The following MACROD2 variants were observed in gnomAD, a reference collection of about 807,000 sequenced individuals.
MACROD2 encodes mono-ADP ribosylhydrolase 2.
MACROD2 carries 36 observed loss-of-function variants against 70.4 expected under a neutral mutation model. That is an observed-to-expected ratio of 0.51 (90% CI 0.39 to 0.68). MACROD2 has a LOEUF of 0.68. Ranked by LOEUF, MACROD2 falls within the 30% of genes least tolerant of loss-of-function variation. The pLI, the probability that MACROD2 is intolerant of heterozygous loss-of-function variation, is 0.00. For synonymous variants in MACROD2, 172 were observed against 178.8 expected (o/e 0.96, Z 0.30); for missense variants, 496 against 538.4 (o/e 0.92, Z 0.78).
chr20:15,461,006 A>ATATTTTT lies in MACROD2; in HGVS notation c.571+29572_571+29573insATTTTTT. ...TATATATATATATATATATATATAT[A>ATATTTTT]TTTTTTTTTAATAGATGGGGTCTTG... On this transcript the variant is annotated intron_variant, in intron 7 of 17. Transcript: ENST00000684519. Among the ~76,000 whole-genome samples the ATATTTTT allele has an allele frequency of 5.7e-3, 381 of 66,968 alleles. 9 individuals are homozygous for ATATTTTT. Among genetic ancestry groups the ATATTTTT allele is most frequent in the African/African-American group, 0.015 (357 of 23,670 alleles). 43.9% of individuals were successfully genotyped at this position (66,968 alleles called of 152,430 possible). A position where few individuals can be genotyped will look rare whatever the true frequency, so the allele number is the denominator to read the frequency against.
At chr20:14,536,016 T>A (rs1425015555) in intron 4 of MACROD2, among the ~76,000 whole-genome samples, 2 of 152,112 alleles carry the variant, frequency 1.3e-5, no homozygotes, top group African/African-American at 4.8e-5. Context: ...GGGAAATGTA[T>A]CATGGTTTGA....
chr20:15,231,195 A>G (rs1053621999), intron 6 of MACROD2, among the ~76,000 whole-genome samples: 6 of 152,048 alleles, frequency 3.9e-5, no homozygotes, highest in African/African-American at 1.4e-4. Context: ...TCTTTGGATA[A>G]TTATTAACAG....
chr20:15,082,860 A>G (rs2075716120), intron 5 of MACROD2, among the ~76,000 whole-genome samples: 1 of 152,196 alleles, frequency 6.6e-6, no homozygotes, highest in Non-Finnish European at 1.5e-5. Flanking sequence ...TGCAACTAAA[A>G]AAAAGCCAAA....
intron 3 of MACROD2, among the ~76,000 whole-genome samples, chr20:14,311,777 C>G (rs1228545749): frequency 1.3e-5 from 2 of 152,278 alleles, no homozygotes; most frequent in African/African-American, 4.8e-5. Flanking sequence ...CATGGCCTCC[C>G]TAAGTGCTGG....
intron 7 of MACROD2, among the ~76,000 whole-genome samples, chr20:15,478,553 C>CTG (rs11467421): frequency 2.0e-4 from 30 of 150,172 alleles, no homozygotes; most frequent in Admixed American, 6.6e-4. Context: ...GTGTGTGTGT[C>CTG]TGTGTGTGTG....
At chr20:14,215,335 TATACACACACACACAC>T (rs1211330402) in intron 3 of MACROD2, among the ~76,000 whole-genome samples, 8 of 101,728 alleles carry the variant, frequency 7.9e-5, no homozygotes, top group South Asian at 6.7e-4. Flanking sequence ...TGCCATCATA[TATACACACACACACAC>T]ACACACACAC....
chr20:15,183,540 C>T (rs6043126), intron 5 of MACROD2, among the ~76,000 whole-genome samples: 1,929 of 152,050 alleles, frequency 0.013, 55 homozygotes, highest in African/African-American at 0.044. Context: ...ATATTGCACT[C>T]GGATAGTTAT....
At chr20:15,196,933 A>G in intron 5 of MACROD2, 1 of 985,436 alleles carries the variant, frequency 1.0e-6, no homozygotes. Context: ...CTACATAAAA[A>G]ACCTTTAAAA....
At chr20:15,539,086 T>C (rs2047918617) in intron 8 of MACROD2, among the ~76,000 whole-genome samples, 1 of 152,240 alleles carries the variant, frequency 6.6e-6, no homozygotes, top group African/African-American at 2.4e-5. Flanking sequence ...TTCATCTTTT[T>C]TTCTGAGTAC....
rs1235367552 is a variant in MACROD2, at chr20:14,345,507, GA to G, written c.272-147970del. Among the ~76,000 whole-genome samples the G allele has an allele frequency of 4.6e-5, 7 of 151,772 alleles. No individual in the cohort carries two copies. In the East Asian group the frequency reaches 1.4e-3, roughly 29 times the overall value. ...CTTGTTTTCTTGGTTATTTTTATTT[GA>G]AGGTTTTTTTTTTTCTTAGATGGAG... On this transcript the variant is annotated intron_variant, in intron 3 of 17. Coordinates refer to ENST00000684519, the MANE Select transcript of MACROD2 (RefSeq NM_001351661.2).
chr20:15,369,054 T>C (rs2045454065), intron 6 of MACROD2, among the ~76,000 whole-genome samples: 2 of 152,204 alleles, frequency 1.3e-5, no homozygotes, highest in South Asian at 4.1e-4. Context: ...TAATGGTTCC[T>C]GATAGGAGAG....
intron 5 of MACROD2, among the ~76,000 whole-genome samples, chr20:14,724,553 G>C (rs1330910288): frequency 2.9e-4 from 44 of 152,156 alleles, no homozygotes; most frequent in Non-Finnish European, 1.5e-5. Context: ...ACTATATTAG[G>C]TTCAATAGTT....
At chr20:15,738,139 C>G (rs745896084) in intron 8 of MACROD2, among the ~76,000 whole-genome samples, 5 of 152,104 alleles carry the variant, frequency 3.3e-5, no homozygotes, top group Admixed American at 6.5e-5. Flanking sequence ...GATAGCACAG[C>G]AGGGTGACTA....
intron 3 of MACROD2, among the ~76,000 whole-genome samples, chr20:14,426,161 C>T (rs1293350752): frequency 2.6e-5 from 4 of 152,052 alleles, no homozygotes; most frequent in Non-Finnish European, 1.5e-5. Flanking sequence ...TACCACTCCT[C>T]TTGTTTATCT....
intron 6 of MACROD2, among the ~76,000 whole-genome samples, chr20:15,259,522 A>G (rs1320925748): frequency 6.6e-6 from 1 of 151,998 alleles, no homozygotes; most frequent in East Asian, 1.9e-4. Flanking sequence ...GGTTTTTTTA[A>G]GTTAGAAAAT....
chr20:15,868,846 T>G (rs1178637549), intron 9 of MACROD2, among the ~76,000 whole-genome samples: 1 of 152,074 alleles, frequency 6.6e-6, no homozygotes, highest in African/African-American at 2.4e-5. Context: ...GCAATCATAC[T>G]GATCATAACT....
At chr20:15,742,216 C>T (rs945017247) in intron 8 of MACROD2, among the ~76,000 whole-genome samples, 1 of 152,136 alleles carries the variant, frequency 6.6e-6, no homozygotes, top group African/African-American at 2.4e-5. Flanking sequence ...GCATCACTTA[C>T]AGCTACAGTG....
chr20:14,752,919 T>C (rs2071893031), intron 5 of MACROD2, among the ~76,000 whole-genome samples: 1 of 152,106 alleles, frequency 6.6e-6, no homozygotes, highest in Non-Finnish European at 1.5e-5. Flanking sequence ...AACGGTGGTC[T>C]GATTTCATAG....
intron 5 of MACROD2, among the ~76,000 whole-genome samples, chr20:14,914,170 G>A (rs934964961): frequency 2.6e-5 from 4 of 152,142 alleles, no homozygotes; most frequent in Admixed American, 2.0e-4. Flanking sequence ...CTAACTCAGA[G>A]GAAACATGTG....
Sources: allele counts gnomAD v4.1 joint callset (sites outside exome capture counted in the v4.1 genomes callset), GRCh38; gene constraint gnomAD v4.1.1; transcripts MANE v1.5; gene names NCBI Gene and HGNC (gene_info 2026-07-23, HGNC 2026-07-21).